KDM5A: variants seen among roughly 807,000 people sequenced by gnomAD.
The protein encoded by KDM5A is lysine demethylase 5A, also known as lysine-specific demethylase 5A.
In KDM5A, 42 loss-of-function variants were observed where a neutral mutation model predicts 193.5. The observed-to-expected ratio is 0.22, with a 90% CI of 0.17 to 0.28. The LOEUF (loss-of-function observed/expected upper bound fraction) is 0.28. Among genes scored for constraint, KDM5A ranks in the 10% least tolerant of loss-of-function variants. The pLI is 1.00. For synonymous variants in KDM5A, 796 were observed against 718.1 expected, an observed-to-expected ratio of 1.11 and a Z score of -1.73; for missense variants, 1,692 against 2,055.1, an observed-to-expected ratio of 0.82 and a Z score of 3.42.
At chr12:335,555 G>A (rs1943918568) in intron 10 of KDM5A, among the ~76,000 whole-genome samples, 1 of 152,056 alleles carries the variant, frequency 6.6e-6, no homozygotes, top group Non-Finnish European at 1.5e-5. Context: ...GGCAGGGGTG[G>A]GGGTAGGGTC....
At chr12:318,070 T>C (rs753539206) in intron 19 of KDM5A, 36 bp downstream of exon 19, 10 of 1,456,386 alleles carry the variant, frequency 6.9e-6, no homozygotes, top group Non-Finnish European at 9.7e-6. Flanking sequence ...TCTGACTTAG[T>C]TGTTAAAGAG....
At chr12:350,920 T>A in intron 9 of KDM5A, 141 bp from the exon 10 acceptor site, 1 of 749,666 alleles carries the variant, frequency 1.3e-6, no homozygotes, top group South Asian at 1.7e-5. Flanking sequence ...AAGACCGAGA[T>A]CCTAGCTTTT....
At chr12:316,898 A>C (rs1268735219) in intron 19 of KDM5A, among the ~76,000 whole-genome samples, 2 of 152,234 alleles carry the variant, frequency 1.3e-5, no homozygotes, top group Non-Finnish European at 2.9e-5. Flanking sequence ...TTAAGTACAC[A>C]GAGGTATTGA....
chr12:298,858 G>A (rs143024494), intron 24 of KDM5A, among the ~76,000 whole-genome samples: 2,043 of 152,022 alleles, frequency 0.013, 47 homozygotes, highest in African/African-American at 0.046. Flanking sequence ...GAACATAAAT[G>A]AACTGATGGA....
At position 293,065 on chromosome 12, in the gene KDM5A, T is replaced by C. The variant is rs1943320257; in HGVS notation, c.4560A>G (p.Gly1520=). ...LEKVEQLFGE[G]KQKSKELKKM... ...TCTTTAACTCCTTGGACTTCTGTTT[T>C]CCTTCTCCAAAAAGTTGCTCTACCT... Residue 1520 remains glycine (G), a synonymous_variant, in exon 27 of 28, where the codon GGA becomes GGG. Transcript: ENST00000399788. 2 of 1,586,890 alleles carry C rather than the reference T, an allele frequency of 1.3e-6. No homozygotes were observed. The highest frequency in any genetic ancestry group is 1.7e-6 in the Non-Finnish European group (2 of 1,173,038).
In KDM5A at chr12:283,588, C is replaced by G. The variant is rs1439062464; in HGVS notation, c.*1868G>C. The G allele has an allele frequency of 4.3e-6, 1 of 232,720 alleles. No individual in the cohort carries two copies. The highest frequency in any genetic ancestry group is 6.1e-5 in the East Asian group (1 of 16,494). The allele number at this position is 232,720 out of a possible 1,614,324, so 14.4% of individuals were successfully genotyped here. A position where few individuals can be genotyped will look rare whatever the true frequency, so the allele number is the denominator to read the frequency against. On this transcript the variant is annotated 3_prime_UTR_variant, in exon 28 of 28. Coordinates refer to ENST00000399788, the MANE Select transcript of KDM5A (RefSeq NM_001042603.3). ...ATTCCTTTTGAGTTAAATCTCATACCCACTCAAACTGTAACTGGACAGTAC... is the reference window on the plus strand; with the variant it reads ...ATTCCTTTTGAGTTAAATCTCATACGCACTCAAACTGTAACTGGACAGTAC...
chr12:323,767 T>C lies in KDM5A; in HGVS notation c.1983A>G (p.Ser661=), dbSNP rs2229349. The C allele has an allele frequency of 2.5e-6, 4 of 1,613,698 alleles. No homozygotes were observed. The Admixed American group carries it at 6.7e-5, about 27-fold the overall frequency. The stretch of plus-strand genomic sequence containing the variant: ...GAACAAGTTCAAACACTTCTTCTTC[T>C]GACATCAGGACACCCTGAAATATAA... ...ESVVQMGVLM[S]EEEVFELVPD... Residue 661 remains serine, a synonymous_variant, in exon 15 of 28, where the codon TCA becomes TCG. Coordinates refer to ENST00000399788, the MANE Select transcript of KDM5A (RefSeq NM_001042603.3).
chr12:280,603 G>C lies in KDM5A; in HGVS notation c.*4853C>G, dbSNP rs1015982428. The C allele has an allele frequency of 5.6e-5, 13 of 232,954 alleles. No individual in the cohort carries two copies. Among genetic ancestry groups the C allele is most frequent in the Non-Finnish European group, 1.1e-4 (13 of 117,966 alleles). The allele number at this position is 232,954 out of a possible 1,614,324, so 14.4% of individuals were successfully genotyped here. A position where few individuals can be genotyped will look rare whatever the true frequency, so the allele number is the denominator to read the frequency against. On this transcript the variant is annotated 3_prime_UTR_variant, in exon 28 of 28. Transcript: ENST00000399788. ...CATATCTGCATAAGCTGGGATCCTT[G>C]GCAATGGGGAAAAGGTGCCATTTGC...
chr12:289,243 T>C (rs797759), intron 27 of KDM5A, among the ~76,000 whole-genome samples: 44,965 of 151,952 alleles, frequency 0.3, 6,884 homozygotes, highest in East Asian at 0.51. Context: ...AGAAGAAAAA[T>C]ACTACTTAAA....
chr12:299,991 C>G (rs2137376381), intron 24 of KDM5A, among the ~76,000 whole-genome samples: 1 of 149,330 alleles, frequency 6.7e-6, no homozygotes, highest in Middle Eastern at 3.4e-3. Flanking sequence ...AGCTAACTAT[C>G]CTAAATATAT....
rs1243915728 is a variant in KDM5A at position 282,197 on chromosome 12, G to GA, written c.*3258_*3259insT. Reference sequence around the variant, plus strand: ...AAAGAGAGAGACAGACAGACACATGGGGTCTCGCTGTTGACCAGGCGGGAC... The same window carrying GA: ...AAAGAGAGAGACAGACAGACACATGGAGGTCTCGCTGTTGACCAGGCGGGAC... On this transcript the variant is annotated 3_prime_UTR_variant, in exon 28 of 28. Transcript: ENST00000399788. 4 of 247,332 alleles carry GA rather than the reference G, an allele frequency of 1.6e-5. No individual in the cohort carries two copies. Among genetic ancestry groups the GA allele is most frequent in the African/African-American group, 8.8e-5 (4 of 45,650 alleles). The allele number at this position is 247,332 out of a possible 1,614,324, so 15.3% of individuals were successfully genotyped here.
At chr12:287,256 C>CAGAATATCT (rs1943230086) in intron 27 of KDM5A, among the ~76,000 whole-genome samples, 1 of 152,128 alleles carries the variant, frequency 6.6e-6, no homozygotes, top group Non-Finnish European at 1.5e-5. Context: ...CCTATGAACT[C>CAGAATATCT]AGAATATCTG....
chr12:346,588 C>A (rs1244632733), intron 10 of KDM5A, among the ~76,000 whole-genome samples: 1 of 152,104 alleles, frequency 6.6e-6, no homozygotes, highest in Non-Finnish European at 1.5e-5. Flanking sequence ...TGGCTTCATC[C>A]CCGGGATGCA....
intron 3 of KDM5A, among the ~76,000 whole-genome samples, chr12:380,853 T>C (rs1214871427): frequency 1.3e-5 from 2 of 152,036 alleles, no homozygotes; most frequent in African/African-American, 2.4e-5. Flanking sequence ...TGGAGTGCAG[T>C]GGTACTATCT....
At chr12:356,828 C>A (rs780795068) in intron 5 of KDM5A, among the ~76,000 whole-genome samples, 35 of 152,212 alleles carry the variant, frequency 2.3e-4, no homozygotes, top group Non-Finnish European at 3.8e-4. Flanking sequence ...GAAATCCCCA[C>A]TTCTAACTTC....
chr12:376,643 TG>T (rs975140657), intron 3 of KDM5A, among the ~76,000 whole-genome samples: 1 of 152,220 alleles, frequency 6.6e-6, no homozygotes, highest in African/African-American at 2.4e-5. Flanking sequence ...CAGTTGGAAA[TG>T]CAGAAATCAC....
chr12:338,971 G>A (rs1337958015), intron 10 of KDM5A, among the ~76,000 whole-genome samples: 2 of 152,038 alleles, frequency 1.3e-5, no homozygotes, highest in Non-Finnish European at 2.9e-5. Flanking sequence ...CCTGAGGTTG[G>A]GAGTTCGAGA....
chr12:292,880 T>G lies in KDM5A; in HGVS notation c.4745A>C (p.Lys1582Thr), dbSNP rs1943315700. Residue 1582 changes from lysine to threonine, a missense_variant, in exon 27 of 28, where the codon AAG becomes ACG. Around this residue, in one of 11 missense-constraint regions of KDM5A, gnomAD observed 965 missense variants for 1,061.0 expected, o/e 0.91. Transcript: ENST00000399788. The stretch of plus-strand genomic sequence containing the variant: ...GTCCAGCACCTTTTTCTCTCTTTTC[T>G]TTTCAGTGCTCTCTTTCACAAGTTC... ...KVELVKESTE[K>T]KREKKVLDIP... The G allele has an allele frequency of 6.2e-7, 1 of 1,614,214 alleles. No individual in the cohort carries two copies. Among genetic ancestry groups the G allele is most frequent in the African/African-American group, 1.3e-5 (1 of 75,074 alleles).
chr12:363,114 C>T lies in KDM5A; in HGVS notation c.538-17G>A. The T allele has an allele frequency of 6.2e-7, 1 of 1,613,812 alleles. No homozygotes were observed. Among genetic ancestry groups the T allele is most frequent in the East Asian group, 2.2e-5 (1 of 44,880 alleles). ...CTGCACACCCTAAAAGATCAGAGCACAGAAAGAGAGCAGGTTCACTGATAA... is the reference window on the plus strand; with the variant it reads ...CTGCACACCCTAAAAGATCAGAGCATAGAAAGAGAGCAGGTTCACTGATAA... On this transcript the variant is annotated splice_polypyrimidine_tract_variant and intron_variant, in intron 4 of 27. Coordinates refer to ENST00000399788, the MANE Select transcript of KDM5A (RefSeq NM_001042603.3).
Sources: gnomAD v4.1 joint callset for allele counts (sites outside exome capture counted in the v4.1 genomes callset) on GRCh38, gnomAD v4.1.1 for gene constraint, gnomAD v4.1.1 regional missense constraint, MANE v1.5 for transcripts, NCBI Gene and HGNC (gene_info 2026-07-23, HGNC 2026-07-21) for gene names.